HECW1: variants seen among roughly 807,000 people sequenced by gnomAD.
HECW1 encodes HECT, C2 and WW domain containing E3 ubiquitin protein ligase 1.
HECW1 carries 61 observed loss-of-function variants against 182.3 expected under a neutral mutation model. The ratio of observed to expected loss-of-function variants is 0.33; its 90% CI spans 0.27 to 0.41. The LOEUF (loss-of-function observed/expected upper bound fraction) is 0.41, where lower values mean the gene tolerates loss of function less well. Ranked by LOEUF, HECW1 falls within the 10% of genes least tolerant of loss-of-function variation. HECW1 has a pLI of 1.00. For missense variants in HECW1, 1,739 were observed against 2,108.9 expected (o/e 0.82, Z 3.44); for synonymous variants, 859 against 832.6 (o/e 1.03, Z -0.55).
In HECW1 at chr7:43,503,173, A is replaced by G. The variant is rs62458256; in HGVS notation, c.3631+1851A>G. ...GTTAAGGAAATGTGCAATGCTTGCT[A>G]CCTCTGACGCACAACATAATTAAAT... On this transcript the variant is annotated intron_variant, in intron 21 of 29. Coordinates refer to ENST00000395891, the MANE Select transcript of HECW1 (RefSeq NM_015052.5). Among the ~76,000 whole-genome samples the G allele has an allele frequency of 3.3e-3, 496 of 152,306 alleles. 2 individuals are homozygous for G. The highest frequency in any genetic ancestry group is 5.1e-3 in the Non-Finnish European group (346 of 68,040).
At chr7:43,389,096 G>T (rs534303941) in intron 6 of HECW1, among the ~76,000 whole-genome samples, 2 of 152,260 alleles carry the variant, frequency 1.3e-5, no homozygotes, top group African/African-American at 4.8e-5. Flanking sequence ...CCAAGGGGTC[G>T]CCAGAATCTA....
intron 2 of HECW1, among the ~76,000 whole-genome samples, chr7:43,210,148 A>G (rs1795876332): frequency 6.6e-6 from 1 of 152,136 alleles, no homozygotes; most frequent in Admixed American, 6.5e-5. Flanking sequence ...TTCCCACAGA[A>G]GGATCCCTGC....
Position 43,352,448 on chromosome 7 carries a change from C to G in HECW1, c.461-8438C>G, listed in dbSNP as rs546952776. 1.8e-3 allele frequency among the ~76,000 whole-genome samples: 271 copies of G among 152,298 alleles called. 1 individual carries two copies. The highest frequency in any genetic ancestry group is 3.9e-3 in the Admixed American group (59 of 15,296). On this transcript the variant is annotated intron_variant, in intron 5 of 29. Transcript: ENST00000395891. ...TTTTAACAGCTTTTCTAGATGTTCTCTGAATTACCTAGTACATTATTACTG... is the reference window on the plus strand; with the variant it reads ...TTTTAACAGCTTTTCTAGATGTTCTGTGAATTACCTAGTACATTATTACTG...
rs1815802643 is a variant in HECW1 at position 43,360,960 on chromosome 7, G to C, written c.535G>C (p.Val179Leu). 1 of 1,611,684 alleles carries C rather than the reference G, an allele frequency of 6.2e-7. No homozygotes were observed. The highest frequency in any genetic ancestry group is 8.5e-7 in the Non-Finnish European group (1 of 1,178,982). ...ALRATTPSVT[V>L]KNSAAPIFKS... ...GCGAGCAACCACCCCCAGTGTCACG[G>C]TCAAAAACTCGGCAGCTCCTGTAAG... The change falls in exon 6 of 30, where the codon GTC becomes CTC. Residue 179 changes from valine to leucine, a missense_variant. Around this residue, in one of 5 missense-constraint regions of HECW1, gnomAD observed 279 missense variants for 353.1 expected, o/e 0.79. Coordinates refer to ENST00000395891, the MANE Select transcript of HECW1 (RefSeq NM_015052.5).
chr7:43,120,394 A>G (rs138119333), intron 2 of HECW1, among the ~76,000 whole-genome samples: 5 of 152,126 alleles, frequency 3.3e-5, no homozygotes, highest in African/African-American at 1.2e-4. Flanking sequence ...ACTTAGCACC[A>G]CGCAATTTGT....
At chr7:43,252,272 C>A (rs1484170406) in intron 3 of HECW1, among the ~76,000 whole-genome samples, 1 of 152,134 alleles carries the variant, frequency 6.6e-6, no homozygotes, top group Non-Finnish European at 1.5e-5. Flanking sequence ...GGTTTCTGCC[C>A]CCAGTCAGTA....
At chr7:43,328,998 C>T (rs1364510778) in intron 5 of HECW1, among the ~76,000 whole-genome samples, 1 of 152,134 alleles carries the variant, frequency 6.6e-6, no homozygotes, top group Non-Finnish European at 1.5e-5. Context: ...CATGCAGGCT[C>T]CGTCCCTGCA....
At position 43,243,757 on chromosome 7, in the gene HECW1, T is replaced by C; in HGVS notation, c.-31-118T>C. 1 of 780,600 alleles carries C rather than the reference T, an allele frequency of 1.3e-6. No individual in the cohort carries two copies. Among genetic ancestry groups the C allele is most frequent in the Admixed American group, 1.9e-5 (1 of 53,088 alleles). The allele number at this position is 780,600 out of a possible 1,614,324, so 48.4% of individuals were successfully genotyped here. A position where few individuals can be genotyped will look rare whatever the true frequency, so the allele number is the denominator to read the frequency against. On this transcript the variant is annotated intron_variant, in intron 2 of 29. Coordinates refer to ENST00000395891, the MANE Select transcript of HECW1 (RefSeq NM_015052.5). The surrounding 1 kb of genome is among the most constrained non-coding windows in gnomAD (Gnocchi z 4.0). ...GTGATTTTTCCTTTTGCACGTCGGT[T>C]GCCCAGGCCAGGTATCTTGGCGGGG...
At chr7:43,495,064 T>G (rs2079065901) in intron 19 of HECW1, among the ~76,000 whole-genome samples, 1 of 152,090 alleles carries the variant, frequency 6.6e-6, no homozygotes. Context: ...TTTGAGGGGG[T>G]GGGAACTTCC....
At chr7:43,131,914 C>T (rs908919964) in intron 2 of HECW1, among the ~76,000 whole-genome samples, 2 of 152,112 alleles carry the variant, frequency 1.3e-5, no homozygotes, top group African/African-American at 2.4e-5. Context: ...GTCTTATGAC[C>T]GAGGATTGAA....
At chr7:43,556,998 CA>C (rs752227544) in intron 29 of HECW1, among the ~76,000 whole-genome samples, 16 of 152,144 alleles carry the variant, frequency 1.1e-4, no homozygotes, top group Middle Eastern at 6.8e-3. Flanking sequence ...GGACAAGAAG[CA>C]AATGCCTCTA....
chr7:43,119,083 T>C (rs1408690700), intron 2 of HECW1: 1 of 152,320 alleles, frequency 6.6e-6, no homozygotes, highest in Non-Finnish European at 1.5e-5. Context: ...AAGCAAAATA[T>C]GACACACACC....
chr7:43,336,629 G>A (rs1004714973), intron 5 of HECW1, among the ~76,000 whole-genome samples: 11 of 152,192 alleles, frequency 7.2e-5, no homozygotes, highest in East Asian at 3.9e-4. Context: ...TGAGGATTGG[G>A]CTTCTAATCT....
intron 2 of HECW1, among the ~76,000 whole-genome samples, chr7:43,155,068 G>T (rs1789731646): frequency 6.6e-6 from 1 of 152,166 alleles, no homozygotes; most frequent in Non-Finnish European, 1.5e-5. Context: ...TTGCTTTCAA[G>T]TCATGGAGTA....
chr7:43,329,140 C>T (rs980029162), intron 5 of HECW1, among the ~76,000 whole-genome samples: 9 of 143,346 alleles, frequency 6.3e-5, no homozygotes, highest in East Asian at 1.9e-4. Context: ...TACAGGAACT[C>T]GGCCAGTTGG....
rs117789947 is a variant in HECW1 at position 43,479,351 on chromosome 7, G to A, written c.3100-259G>A. ...GTTTGTGCTCCTATGAGAATCTAATGGCACCACTGATCTGACAGGAGGTGG... is the reference window on the plus strand; with the variant it reads ...GTTTGTGCTCCTATGAGAATCTAATAGCACCACTGATCTGACAGGAGGTGG... On this transcript the variant is annotated intron_variant, in intron 16 of 29. Coordinates refer to ENST00000395891, the MANE Select transcript of HECW1 (RefSeq NM_015052.5). 1.1e-3 allele frequency among the ~76,000 whole-genome samples: 164 copies of A among 152,222 alleles called. 1 individual carries two copies. In the East Asian group the frequency reaches 0.027, roughly 25 times the overall value.
intron 6 of HECW1, among the ~76,000 whole-genome samples, chr7:43,365,525 C>T (rs1816533447): frequency 6.6e-6 from 1 of 152,162 alleles, no homozygotes; most frequent in Admixed American, 6.5e-5. Context: ...CATGTGTAGT[C>T]AAAGATGTAT....
chr7:43,352,941 G>A (rs950521656), intron 5 of HECW1, among the ~76,000 whole-genome samples: 12 of 152,092 alleles, frequency 7.9e-5, no homozygotes, highest in African/African-American at 2.9e-4. Flanking sequence ...TCCCTTAACA[G>A]TGTAGGAAGG....
chr7:43,521,180 A>T (rs932212708), intron 24 of HECW1, among the ~76,000 whole-genome samples: 2 of 152,236 alleles, frequency 1.3e-5, no homozygotes, highest in Non-Finnish European at 2.9e-5. Flanking sequence ...CAACGTGATG[A>T]TATTAAGAGG....
Sources: allele counts gnomAD v4.1 joint callset (sites outside exome capture counted in the v4.1 genomes callset), GRCh38; gene constraint gnomAD v4.1.1; regional missense constraint gnomAD v4.1.1; non-coding constraint Gnocchi (gnomAD v3.1); transcripts MANE v1.5; gene names NCBI Gene and HGNC (gene_info 2026-07-23, HGNC 2026-07-21).